EXOC5: variants seen among roughly 807,000 people sequenced by gnomAD.
EXOC5 encodes exocyst complex component 5.
Under a neutral mutation model 90.8 loss-of-function variants are expected in EXOC5, and 17 were observed. The observed-to-expected ratio is 0.19, with a 90% CI of 0.13 to 0.28. The LOEUF (loss-of-function observed/expected upper bound fraction) is 0.28, where lower values mean the gene tolerates loss of function less well. EXOC5 is among the 10% of genes least tolerant of loss of function. The pLI is 1.00. For missense variants in EXOC5, 569 were observed against 830.6 expected, an observed-to-expected ratio of 0.69 and a Z score of 3.87; for synonymous variants, 260 against 270.0, an observed-to-expected ratio of 0.96 and a Z score of 0.36.
chr14:57,232,634 TTATC>T, intron 10 of EXOC5, 29 bp downstream of exon 10: 1 of 913,092 alleles, frequency 1.1e-6, no homozygotes. Context: ...AAAAAATCTG[TTATC>T]TATTATTTTC....
At chr14:57,218,955 C>G (rs1014110792) in intron 14 of EXOC5, among the ~76,000 whole-genome samples, 1 of 151,986 alleles carries the variant, frequency 6.6e-6, no homozygotes, top group African/African-American at 2.4e-5. Flanking sequence ...TGTATCTTTA[C>G]ATTATAACAA....
intron 1 of EXOC5, among the ~76,000 whole-genome samples, chr14:57,258,517 G>T (rs1316709560): frequency 6.6e-6 from 1 of 152,258 alleles, no homozygotes; most frequent in East Asian, 1.9e-4. Context: ...TGGACACAGG[G>T]AGGGGAACAT....
chr14:57,224,565 A>C (rs1016038672), intron 12 of EXOC5, among the ~76,000 whole-genome samples: 8 of 152,238 alleles, frequency 5.3e-5, no homozygotes, highest in Admixed American at 2.6e-4. Context: ...CTACTAAAGA[A>C]GTTGAATTTG....
chr14:57,259,063 G>C (rs1884426125), intron 1 of EXOC5, among the ~76,000 whole-genome samples: 1 of 151,286 alleles, frequency 6.6e-6, no homozygotes, highest in African/African-American at 2.4e-5. Flanking sequence ...CTTTTAGTGA[G>C]AAACTTCCCT....
At chr14:57,240,357 C>A (rs1883824271) in intron 4 of EXOC5, among the ~76,000 whole-genome samples, 1 of 152,230 alleles carries the variant, frequency 6.6e-6, no homozygotes, top group Non-Finnish European at 1.5e-5. Flanking sequence ...TATCTGCTCA[C>A]TGCAACCTCC....
At chr14:57,256,163 A>G (rs1479388884) in intron 1 of EXOC5, among the ~76,000 whole-genome samples, 1 of 152,146 alleles carries the variant, frequency 6.6e-6, no homozygotes, top group East Asian at 1.9e-4. Flanking sequence ...AGGAGTGATC[A>G]TCTTTGGCTA....
intron 1 of EXOC5, among the ~76,000 whole-genome samples, chr14:57,255,150 C>T (rs1345096054): frequency 6.6e-6 from 1 of 152,080 alleles, no homozygotes; most frequent in Non-Finnish European, 1.5e-5. Flanking sequence ...AACATGGCCC[C>T]AACTGCAAGG....
At chr14:57,256,570 TAA>T (rs1884355267) in intron 1 of EXOC5, among the ~76,000 whole-genome samples, 1 of 152,078 alleles carries the variant, frequency 6.6e-6, no homozygotes, top group Non-Finnish European at 1.5e-5. Context: ...TATGAAGAAG[TAA>T]AGTCTAATAG....
intron 15 of EXOC5, among the ~76,000 whole-genome samples, chr14:57,212,173 G>A (rs79916456): frequency 0.014 from 2,107 of 152,242 alleles, 32 homozygotes; most frequent in African/African-American, 0.046. Context: ...CCAAGAAAGT[G>A]TTTCTATATT....
At position 57,232,670 on chromosome 14, in the gene EXOC5, G is replaced by C. The variant is rs542623968; in HGVS notation, c.935C>G (p.Thr312Arg). Reference protein sequence around the residue: ...QYLKNLYDLYTRTTNLSSKLM... With the variant: ...QYLKNLYDLYRRTTNLSSKLM... ...TTTCTAATCATTAAAAATTTACCTT[G>C]TATACAGATCATAGAGATTTTTGAG... Residue 312 changes from threonine to arginine, a missense_variant, in exon 10 of 18, where the codon ACA (threonine) becomes AGA (arginine). Physicochemically the swap from Thr to Arg is moderately conservative, Grantham distance 71 (BLOSUM62 -1). Around this residue, in one of 9 missense-constraint regions of EXOC5, gnomAD observed 114 missense variants for 111.2 expected, o/e 1.03. Transcript: ENST00000621441. The C allele has an allele frequency of 7.4e-7, 1 of 1,358,864 alleles. No homozygotes were observed. The highest frequency in any genetic ancestry group is 1.0e-6 in the Non-Finnish European group (1 of 976,888). The allele number at this position is 1,358,864 out of a possible 1,614,324, so 84.2% of individuals were successfully genotyped here.
At chr14:57,241,152 C>T (rs1054992761) in intron 4 of EXOC5, among the ~76,000 whole-genome samples, 2 of 152,138 alleles carry the variant, frequency 1.3e-5, no homozygotes, top group African/African-American at 4.8e-5. Flanking sequence ...CCACGCCCTG[C>T]CCAATATAGA....
intron 12 of EXOC5, among the ~76,000 whole-genome samples, chr14:57,227,943 TATAC>T (rs939948328): frequency 1.9e-4 from 23 of 123,622 alleles, no homozygotes; most frequent in African/African-American, 1.0e-3. Context: ...TACATATATA[TATAC>T]ACACACACAC....
rs762046617 is a variant in EXOC5, at chr14:57,222,318, T to C, written c.1395A>G (p.Thr465=). ...CIEHIDYALE[T]GLAGIPSSDS... ...CACAAATATACTTACCAGCAAGTCC[T>C]GTTTCCAAAGCATAATCAATATGCT... The change falls in exon 13 of 18, where the codon ACA becomes ACG. Residue 465 remains threonine (T), a synonymous_variant. Coordinates refer to ENST00000621441, the MANE Select transcript of EXOC5 (RefSeq NM_006544.4). 17 of 1,525,970 alleles carry C rather than the reference T, an allele frequency of 1.1e-5. No individual in the cohort carries two copies. The Admixed American group carries it at 3.0e-4, about 27-fold the overall frequency. 94.5% of individuals were successfully genotyped at this position (1,525,970 alleles called of 1,614,324 possible). A position where few individuals can be genotyped will look rare whatever the true frequency, so the allele number is the denominator to read the frequency against.
chr14:57,222,219 G>A, intron 13 of EXOC5, 89 bp downstream of exon 13: 1 of 613,386 alleles, frequency 1.6e-6, no homozygotes, highest in Non-Finnish European at 2.8e-6. Flanking sequence ...GAGACACAGA[G>A]ATGATTATAA....
At position 57,225,745 on chromosome 14, in the gene EXOC5, A is replaced by C. The variant is rs1883288279; in HGVS notation, c.1297-3329T>G. 1.3e-5 allele frequency among the ~76,000 whole-genome samples: 2 copies of C among 152,204 alleles called. 1 individual carries two copies. The highest frequency in any genetic ancestry group is 4.1e-4 in the South Asian group (2 of 4,832). On this transcript the variant is annotated intron_variant, in intron 12 of 17. Coordinates refer to ENST00000621441, the MANE Select transcript of EXOC5 (RefSeq NM_006544.4). The stretch of plus-strand genomic sequence containing the variant: ...TGACACAGTCTCAGGAGGTCCCGCC[A>C]ACACATGCCCACCTAAGTTGGTAGG...
At chr14:57,247,596 G>GA (rs34783989) in intron 2 of EXOC5, 22 bp downstream of exon 2, 2 of 1,322,638 alleles carry the variant, frequency 1.5e-6, no homozygotes, top group Non-Finnish European at 2.1e-6. Flanking sequence ...GATCTGTGGG[G>GA]AAAAAAATTT....
rs1035601159 is a variant in EXOC5, at chr14:57,246,981, A to T, written c.123-123T>A. The T allele has an allele frequency of 3.2e-5, 18 of 559,732 alleles. No individual in the cohort carries two copies. The African/African-American group carries it at 3.6e-4, about 11-fold the overall frequency. The allele number at this position is 559,732 out of a possible 1,614,324, so 34.7% of individuals were successfully genotyped here. A position where few individuals can be genotyped will look rare whatever the true frequency, so the allele number is the denominator to read the frequency against. On this transcript the variant is annotated intron_variant, in intron 2 of 17. Coordinates refer to ENST00000621441, the MANE Select transcript of EXOC5 (RefSeq NM_006544.4). ...CCTTGAGCTTGAAATGATCATGTTA[A>T]TTTTTTCTATAGCATCTTGTTAGAA...
chr14:57,239,558 C>A, intron 5 of EXOC5, 37 bp downstream of exon 5: 2 of 1,081,202 alleles, frequency 1.8e-6, no homozygotes, highest in South Asian at 3.0e-5. Context: ...ATAAATTATA[C>A]CACATATTCA....
At chr14:57,259,119 T>C (rs981009219) in intron 1 of EXOC5, among the ~76,000 whole-genome samples, 3 of 152,136 alleles carry the variant, frequency 2.0e-5, no homozygotes, top group African/African-American at 4.8e-5. Flanking sequence ...CTTTTCTTTT[T>C]TTTTTTTTGA....
Sources: gnomAD v4.1 joint callset for allele counts (sites outside exome capture counted in the v4.1 genomes callset) on GRCh38, gnomAD v4.1.1 for gene constraint, gnomAD v4.1.1 regional missense constraint, MANE v1.5 for transcripts, NCBI Gene and HGNC (gene_info 2026-07-23, HGNC 2026-07-21) for gene names.